Variants in SETD7 observed in about 807,000 individuals in gnomAD.
The protein encoded by SETD7 is SET domain containing 7, histone lysine methyltransferase, also known as histone-lysine N-methyltransferase SETD7.
Under a neutral mutation model 41.8 loss-of-function variants are expected in SETD7, and 16 were observed. That is an observed-to-expected ratio of 0.38 (90% CI 0.26 to 0.58). The LOEUF (loss-of-function observed/expected upper bound fraction) is 0.58. SETD7 is among the 20% of genes least tolerant of loss of function. The probability of loss-of-function intolerance (pLI) is 0.64; values close to 1 mark genes in which losing one functional copy is unlikely to be tolerated. For synonymous variants in SETD7, 163 were observed against 169.7 expected, an observed-to-expected ratio of 0.96 and a Z score of 0.31; for missense variants, 346 against 459.7, an observed-to-expected ratio of 0.75 and a Z score of 2.26.
Position 139,555,931 on chromosome 4 carries a change from G to T in SETD7, c.40+167C>A, listed in dbSNP as rs993526466. Among the ~76,000 whole-genome samples, 2 of 151,934 alleles carry T rather than the reference G, an allele frequency of 1.3e-5. No homozygotes were observed. The highest frequency in any genetic ancestry group is 4.8e-5 in the African/African-American group (2 of 41,410). ...CCGCCGCGCAGTGCGCGCTCCCGGC[G>T]GCGTGACCGTGGCTGTCGGGCCCCC... is the stretch of plus-strand genomic sequence containing the variant. On this transcript the variant is annotated intron_variant, in intron 1 of 7. Coordinates refer to ENST00000274031, the MANE Select transcript of SETD7 (RefSeq NM_030648.4). The surrounding 1 kb of genome is among the most constrained non-coding windows in gnomAD (Gnocchi z 4.0).
intron 7 of SETD7, among the ~76,000 whole-genome samples, chr4:139,515,837 C>T (rs769900827): frequency 6.6e-6 from 1 of 152,176 alleles, no homozygotes; most frequent in Non-Finnish European, 1.5e-5. Flanking sequence ...TCTGATTTTG[C>T]TTATGCTAAC....
At chr4:139,495,239 A>G (rs189559309), downstream of SETD7, among the ~76,000 whole-genome samples, 2 of 152,232 alleles carry the variant, frequency 1.3e-5, no homozygotes, top group Non-Finnish European at 2.9e-5. Flanking sequence ...TTGTTTCTCC[A>G]GAAATTCAAG....
Position 139,511,735 on chromosome 4 carries a change from C to T in SETD7, c.1029G>A (p.Gly343=). ...ACTCAGGGGCTTCAGGCCCACTCTT[C>T]CCGGGGGGGCTGTGGTCATAGCCAT... ...VAYGYDHSPP[G]KSGPEAPEWY... Residue 343 remains glycine, a synonymous_variant, in exon 8 of 8, where the codon GGG becomes GGA. Coordinates refer to ENST00000274031, the MANE Select transcript of SETD7 (RefSeq NM_030648.4). The T allele has an allele frequency of 6.2e-7, 1 of 1,614,164 alleles. No individual in the cohort carries two copies. Among genetic ancestry groups the T allele is most frequent in the African/African-American group, 1.3e-5 (1 of 75,056 alleles).
intron 3 of SETD7, among the ~76,000 whole-genome samples, chr4:139,530,356 C>CTTT (rs70943427): frequency 1.6e-5 from 2 of 126,934 alleles, no homozygotes; most frequent in South Asian, 2.6e-4. Context: ...CAAATGCTGC[C>CTTT]TTTTTTTTTT....
downstream of SETD7, among the ~76,000 whole-genome samples, chr4:139,494,894 T>A (rs1726425604): frequency 6.6e-6 from 1 of 152,248 alleles, no homozygotes; most frequent in Non-Finnish European, 1.5e-5. Context: ...GAAACTAGAA[T>A]TCTTTTTAAT....
At chr4:139,531,022 C>T (rs1727469491) in intron 3 of SETD7, among the ~76,000 whole-genome samples, 1 of 151,976 alleles carries the variant, frequency 6.6e-6, no homozygotes, top group South Asian at 2.1e-4. Flanking sequence ...CTCACTGGCT[C>T]CTCCTCGTGG....
intron 1 of SETD7, among the ~76,000 whole-genome samples, chr4:139,549,696 G>T (rs1424129374): frequency 6.6e-6 from 1 of 151,938 alleles, no homozygotes; most frequent in Non-Finnish European, 1.5e-5. Flanking sequence ...ACCTCAACTT[G>T]TAGGCTCAAG....
At chr4:139,515,258 T>C (rs1308602767) in intron 7 of SETD7, among the ~76,000 whole-genome samples, 1 of 152,174 alleles carries the variant, frequency 6.6e-6, no homozygotes, top group Non-Finnish European at 1.5e-5. Flanking sequence ...AATTTCATAT[T>C]TGGTTATTAT....
In SETD7 at chr4:139,520,294, G is replaced by A. The variant is rs1177821925; in HGVS notation, c.745C>T (p.Arg249Ter). 4 of 1,589,584 alleles carry A rather than the reference G, an allele frequency of 2.5e-6. No individual in the cohort carries two copies. Among genetic ancestry groups the A allele is most frequent in the Admixed American group, 1.7e-5 (1 of 57,260 alleles). The stretch of plus-strand genomic sequence containing the variant: ...CCACTCACCTCTTGGTGTGTAATTC[G>A]AACTCCATTATAAAAAGACATAACA... Reference protein sequence around the residue: ...NTVMSFYNGVRITHQEVDSRD... With the variant: ...NTVMSFYNGV The change falls in exon 6 of 8, where the codon CGA becomes TGA. Residue 249 changes from arginine to a stop codon, truncating the protein, a stop_gained. Coordinates refer to ENST00000274031, the MANE Select transcript of SETD7 (RefSeq NM_030648.4). LOFTEE classifies it high-confidence loss of function.
At chr4:139,552,120 T>C (rs532768363) in intron 1 of SETD7, among the ~76,000 whole-genome samples, 4 of 152,284 alleles carry the variant, frequency 2.6e-5, no homozygotes, top group African/African-American at 7.2e-5. Flanking sequence ...ATCTATTAAT[T>C]GTGAGGGTCA....
chr4:139,522,638 G>T (rs771773104), intron 5 of SETD7, among the ~76,000 whole-genome samples: 22 of 151,494 alleles, frequency 1.5e-4, no homozygotes, highest in Non-Finnish European at 2.5e-4. Context: ...GAGCTTTAAA[G>T]AGCATGAAAT....
intron 1 of SETD7, among the ~76,000 whole-genome samples, chr4:139,553,958 C>T (rs763618655): frequency 4.6e-5 from 7 of 152,182 alleles, no homozygotes; most frequent in African/African-American, 9.7e-5. Context: ...CAAGAGTGCA[C>T]GCACAGGTAC....
chr4:139,517,586 C>T (rs17346513), intron 7 of SETD7, among the ~76,000 whole-genome samples: 12,781 of 151,566 alleles, frequency 0.084, 715 homozygotes, highest in South Asian at 0.13. Context: ...TTGTCCAAAA[C>T]GAGAAAACTG....
At chr4:139,549,994 G>T (rs1367304936) in intron 1 of SETD7, among the ~76,000 whole-genome samples, 1 of 151,962 alleles carries the variant, frequency 6.6e-6, no homozygotes, top group Non-Finnish European at 1.5e-5. Flanking sequence ...TGGCCAGGCT[G>T]GTCTCGAACT....
chr4:139,498,374 AGAC>A (rs1726506337), intron 7 of SETD7, among the ~76,000 whole-genome samples: 1 of 152,190 alleles, frequency 6.6e-6, no homozygotes, highest in South Asian at 2.1e-4. Flanking sequence ...AGACAACTAA[AGAC>A]AGCCGGTACA....
intron 4 of SETD7, among the ~76,000 whole-genome samples, chr4:139,527,588 TA>T (rs1435268008): frequency 6.6e-6 from 1 of 151,954 alleles, no homozygotes; most frequent in East Asian, 1.9e-4. Context: ...AAAACAAAAA[TA>T]TGGCATAATC....
Sources: gnomAD v4.1 joint callset for allele counts (sites outside exome capture counted in the v4.1 genomes callset) on GRCh38, gnomAD v4.1.1 for gene constraint, Gnocchi (gnomAD v3.1) non-coding constraint, MANE v1.5 for transcripts, NCBI Gene and HGNC (gene_info 2026-07-23, HGNC 2026-07-21) for gene names.